The following PXDNL variants were observed in gnomAD, a reference collection of about 807,000 sequenced individuals.
PXDNL encodes probable oxidoreductase PXDNL.
In PXDNL, 145 loss-of-function variants were observed where a neutral mutation model predicts 150.8. The ratio of observed to expected loss-of-function variants is 0.96; its 90% CI spans 0.84 to 1.10. The LOEUF (loss-of-function observed/expected upper bound fraction) is 1.10. Ranked by LOEUF, PXDNL falls within the 50% of genes least tolerant of loss-of-function variation. The probability of loss-of-function intolerance (pLI) is 0.00; values close to 1 mark genes in which losing one functional copy is unlikely to be tolerated. For synonymous variants in PXDNL, 757 were observed against 725.7 expected (o/e 1.04, Z -0.69); for missense variants, 2,087 against 1,873.9 (o/e 1.11, Z -2.10).
At chr8:51,393,463 C>T (rs1807973155) in intron 17 of PXDNL, among the ~76,000 whole-genome samples, 1 of 152,194 alleles carries the variant, frequency 6.6e-6, no homozygotes, top group Non-Finnish European at 1.5e-5. Context: ...GCCTTTATTG[C>T]TGTATTGCCA....
At chr8:51,729,646 C>T (rs1816880292) in intron 1 of PXDNL, among the ~76,000 whole-genome samples, 1 of 152,200 alleles carries the variant, frequency 6.6e-6, no homozygotes, top group African/African-American at 2.4e-5. Flanking sequence ...TGCTCCTTGG[C>T]ATTTACTCAA....
chr8:51,377,666 C>A lies in PXDNL; in HGVS notation c.3558-2935G>T, dbSNP rs575466500. ...GTGAGGGGCTTAGCACCTGGGCCAG[C>A]AGCTGCGGAGGGTGCACCGGGTCCC... On this transcript the variant is annotated intron_variant, in intron 17 of 22. Coordinates refer to ENST00000356297, the MANE Select transcript of PXDNL (RefSeq NM_144651.5). Among the ~76,000 whole-genome samples the A allele has an allele frequency of 2.0e-4, 30 of 152,346 alleles. 1 individual carries two copies. The highest frequency in any genetic ancestry group is 7.0e-4 in the African/African-American group (29 of 41,590).
At chr8:51,642,549 A>C (rs188230377) in intron 2 of PXDNL, among the ~76,000 whole-genome samples, 1 of 152,208 alleles carries the variant, frequency 6.6e-6, no homozygotes, top group Non-Finnish European at 1.5e-5. Context: ...TCTCAAAATA[A>C]TAAGAGTTAT....
At chr8:51,544,777 G>C (rs1812318470) in intron 4 of PXDNL, among the ~76,000 whole-genome samples, 1 of 152,156 alleles carries the variant, frequency 6.6e-6, no homozygotes, top group Non-Finnish European at 1.5e-5. Flanking sequence ...TCTGTAGCAG[G>C]ATTGGCATTT....
At chr8:51,760,826 C>G (rs1174957258) in intron 1 of PXDNL, among the ~76,000 whole-genome samples, 1 of 137,830 alleles carries the variant, frequency 7.3e-6, no homozygotes, top group Non-Finnish European at 1.5e-5. Context: ...CATGGTTAGC[C>G]TGAAGGAAAT....
chr8:51,612,238 T>C (rs964617244), intron 2 of PXDNL, among the ~76,000 whole-genome samples: 3 of 152,188 alleles, frequency 2.0e-5, no homozygotes, highest in African/African-American at 7.2e-5. Flanking sequence ...AACCCTGTCC[T>C]GTTCTGTAGG....
At chr8:51,416,550 A>G (rs183679538) in intron 14 of PXDNL, among the ~76,000 whole-genome samples, 102 of 152,354 alleles carry the variant, frequency 6.7e-4, no homozygotes, top group African/African-American at 2.3e-3. Flanking sequence ...CAGATAGCAA[A>G]GATACGCAAA....
intron 1 of PXDNL, among the ~76,000 whole-genome samples, chr8:51,792,659 T>G (rs1368329803): frequency 1.3e-5 from 2 of 152,130 alleles, no homozygotes; most frequent in Non-Finnish European, 2.9e-5. Flanking sequence ...CTGGGGAGAC[T>G]GGATGGTTTG....
Position 51,429,639 on chromosome 8 carries a change from T to C in PXDNL, c.1526-2881A>G, listed in dbSNP as rs116664619. ...TCCTGTGGTAGTAAAATATGTAGCATTTTAGGAAAGCTACCAAACTGTCTT... is the reference window on the plus strand; with the variant it reads ...TCCTGTGGTAGTAAAATATGTAGCACTTTAGGAAAGCTACCAAACTGTCTT... On this transcript the variant is annotated intron_variant, in intron 12 of 22. Coordinates refer to ENST00000356297, the MANE Select transcript of PXDNL (RefSeq NM_144651.5). Among the ~76,000 whole-genome samples the C allele has an allele frequency of 4.5e-3, 688 of 151,460 alleles. 3 individuals carry two copies. The highest frequency in any genetic ancestry group is 0.016 in the African/African-American group (652 of 41,368).
intron 1 of PXDNL, among the ~76,000 whole-genome samples, chr8:51,735,549 T>TG (rs1817019314): frequency 2.5e-5 from 3 of 121,030 alleles, no homozygotes; most frequent in African/African-American, 1.2e-4. Context: ...TTTTTTTTTT[T>TG]TTTTTTTTTT....
intron 12 of PXDNL, among the ~76,000 whole-genome samples, chr8:51,440,888 CCCCTGTGGGGCTTACT>C (rs1809529831): frequency 1.3e-5 from 2 of 152,146 alleles, no homozygotes; most frequent in African/African-American, 2.4e-5. Flanking sequence ...CACTGCCTCT[CCCCTGTGGGGCTTACT>C]GAGCAGATCC....
At chr8:51,690,828 C>A (rs897643269) in intron 1 of PXDNL, among the ~76,000 whole-genome samples, 4 of 152,014 alleles carry the variant, frequency 2.6e-5, no homozygotes, top group South Asian at 2.1e-4. Context: ...CTCTCTAGCA[C>A]CTGTTGTTTC....
At chr8:51,433,724 C>T (rs1481895266) in intron 12 of PXDNL, among the ~76,000 whole-genome samples, 1 of 151,964 alleles carries the variant, frequency 6.6e-6, no homozygotes, top group Non-Finnish European at 1.5e-5. Flanking sequence ...ACTATTTACC[C>T]TTAGTATCTG....
At chr8:51,787,888 G>C (rs1449042872) in intron 1 of PXDNL, among the ~76,000 whole-genome samples, 1 of 152,160 alleles carries the variant, frequency 6.6e-6, no homozygotes, top group Non-Finnish European at 1.5e-5. Flanking sequence ...CTTATTTTAA[G>C]AAAATTCCAC....
chr8:51,686,590 G>T (rs570508952), intron 1 of PXDNL, among the ~76,000 whole-genome samples: 103 of 152,234 alleles, frequency 6.8e-4, no homozygotes, highest in African/African-American at 2.3e-3. Flanking sequence ...TTTTATAATC[G>T]TGTTGCTTTA....
At chr8:51,782,484 A>G (rs1043055011) in intron 1 of PXDNL, among the ~76,000 whole-genome samples, 1 of 152,224 alleles carries the variant, frequency 6.6e-6, no homozygotes, top group African/African-American at 2.4e-5. Context: ...TCCATAGACT[A>G]TCAGCTCCTT....
intron 3 of PXDNL, among the ~76,000 whole-genome samples, chr8:51,589,582 G>T (rs571638306): frequency 2.0e-5 from 3 of 152,190 alleles, no homozygotes; most frequent in Non-Finnish European, 4.4e-5. Flanking sequence ...CTGGATTAAA[G>T]GTCACCCTGT....
At chr8:51,542,113 T>C (rs1387680154) in intron 4 of PXDNL, among the ~76,000 whole-genome samples, 1 of 152,158 alleles carries the variant, frequency 6.6e-6, no homozygotes, top group Non-Finnish European at 1.5e-5. Context: ...GTCTACGTTT[T>C]ATTCTGAATT....
chr8:51,590,159 G>A (rs1486072566), intron 3 of PXDNL, among the ~76,000 whole-genome samples: 1 of 152,090 alleles, frequency 6.6e-6, no homozygotes, highest in Non-Finnish European at 1.5e-5. Context: ...GTGGGTTCCT[G>A]CAGTGTGCAT....
Sources: gnomAD v4.1 joint callset for allele counts (sites outside exome capture counted in the v4.1 genomes callset) on GRCh38, gnomAD v4.1.1 for gene constraint, MANE v1.5 for transcripts, NCBI Gene and HGNC (gene_info 2026-07-23, HGNC 2026-07-21) for gene names.